The following MYO10 variants were observed in gnomAD, a reference collection of about 807,000 sequenced individuals.
MYO10 encodes unconventional myosin-X.
A neutral mutation model predicts 257.3 loss-of-function variants in MYO10; 133 were observed. The ratio of observed to expected loss-of-function variants is 0.52; its 90% CI spans 0.45 to 0.60. MYO10 has a LOEUF of 0.60. Among genes scored for constraint, MYO10 ranks in the 20% least tolerant of loss-of-function variants. MYO10 has a pLI of 0.00. For synonymous variants in MYO10, 1,104 were observed against 1,028.6 expected (o/e 1.07, Z -1.40); for missense variants, 2,399 against 2,635.7 (o/e 0.91, Z 1.97).
chr5:16,706,639 G>A (rs530517353), intron 21 of MYO10, among the ~76,000 whole-genome samples: 2 of 152,160 alleles, frequency 1.3e-5, no homozygotes, highest in East Asian at 3.9e-4. Flanking sequence ...GTGAACAAGT[G>A]GAAACCTTTG....
chr5:16,864,262 G>A (rs1744183279), intron 2 of MYO10, among the ~76,000 whole-genome samples: 1 of 149,892 alleles, frequency 6.7e-6, no homozygotes, highest in Non-Finnish European at 1.5e-5. Flanking sequence ...TGACTTATTT[G>A]GCTTCATGCT....
At chr5:16,811,022 T>C (rs1484407376) in intron 3 of MYO10, among the ~76,000 whole-genome samples, 2 of 144,308 alleles carry the variant, frequency 1.4e-5, no homozygotes, top group African/African-American at 2.6e-5. Context: ...TGAGCCGACA[T>C]GGCACCACTG....
In MYO10 at chr5:16,936,152, T is replaced by G; in HGVS notation, c.-344A>C. ...GCTGGCGAGCGCGGCCCCCTCCCTCTGCGCTCCGGCCGGGGGCCCTCGGGG... is the reference window on the plus strand; with the variant it reads ...GCTGGCGAGCGCGGCCCCCTCCCTCGGCGCTCCGGCCGGGGGCCCTCGGGG... On this transcript the variant is annotated 5_prime_UTR_variant, in exon 1 of 41. Transcript: ENST00000513610. 1 of 324,872 alleles carries G rather than the reference T, an allele frequency of 3.1e-6. No individual in the cohort carries two copies. The highest frequency in any genetic ancestry group is 5.1e-5 in the Admixed American group (1 of 19,568). 20.1% of individuals were successfully genotyped at this position (324,872 alleles called of 1,614,324 possible).
chr5:16,766,804 C>A (rs939943915), intron 10 of MYO10, among the ~76,000 whole-genome samples: 2 of 133,894 alleles, frequency 1.5e-5, no homozygotes, highest in African/African-American at 5.6e-5. Context: ...GAGTCTCACT[C>A]TGTAGCCCAG....
intron 3 of MYO10, among the ~76,000 whole-genome samples, chr5:16,802,014 A>G (rs2126688364): frequency 6.6e-6 from 1 of 152,332 alleles, no homozygotes; most frequent in African/African-American, 2.4e-5. Flanking sequence ...TGCTAAGTGA[A>G]TTATGACAGT....
intron 19 of MYO10, among the ~76,000 whole-genome samples, chr5:16,750,032 C>T (rs1379171366): frequency 1.3e-5 from 2 of 152,104 alleles, no homozygotes; most frequent in African/African-American, 4.8e-5. Flanking sequence ...TGGGTACCAC[C>T]GCCACCGCCC....
intron 4 of MYO10, among the ~76,000 whole-genome samples, chr5:16,791,866 G>T (rs905998474): frequency 6.6e-6 from 1 of 152,130 alleles, no homozygotes; most frequent in Non-Finnish European, 1.5e-5. Flanking sequence ...AGTGGTTCTA[G>T]TCACAGATTA....
intron 2 of MYO10, among the ~76,000 whole-genome samples, chr5:16,874,840 C>T (rs1159547734): frequency 6.6e-6 from 1 of 152,142 alleles, no homozygotes; most frequent in African/African-American, 2.4e-5. Flanking sequence ...ATGCCTGGTA[C>T]CAATTTACTG....
At chr5:16,829,137 T>A (rs1211461750) in intron 2 of MYO10, among the ~76,000 whole-genome samples, 1 of 151,902 alleles carries the variant, frequency 6.6e-6, no homozygotes, top group Non-Finnish European at 1.5e-5. Flanking sequence ...GTGGGACAGG[T>A]AATGGCCAGG....
At chr5:16,822,496 G>A (rs1328120905) in intron 2 of MYO10, among the ~76,000 whole-genome samples, 1 of 152,054 alleles carries the variant, frequency 6.6e-6, no homozygotes, top group East Asian at 1.9e-4. Context: ...GGTCAGGGTG[G>A]ACTAAGGAGT....
intron 19 of MYO10, among the ~76,000 whole-genome samples, chr5:16,731,839 G>A (rs1445873052): frequency 1.3e-5 from 2 of 152,346 alleles, no homozygotes; most frequent in East Asian, 1.9e-4. Context: ...GTGTTGTCAC[G>A]TGCTGTGTTC....
intron 2 of MYO10, among the ~76,000 whole-genome samples, chr5:16,845,399 G>A (rs1430361399): frequency 1.3e-5 from 2 of 152,138 alleles, no homozygotes; most frequent in Non-Finnish European, 2.9e-5. Context: ...GGTGCAGTGG[G>A]CTCTCACCTG....
chr5:16,770,431 T>C (rs896644801), intron 9 of MYO10, among the ~76,000 whole-genome samples: 24 of 152,240 alleles, frequency 1.6e-4, no homozygotes, highest in African/African-American at 5.3e-4. Flanking sequence ...AAACAGGCAC[T>C]TACAGGAATC....
Position 16,758,331 on chromosome 5 carries a change from T to G in MYO10, c.1740-105A>C, listed in dbSNP as rs1579956778. 6.2e-6 allele frequency: 5 copies of G among 808,142 alleles called. No homozygotes were observed. The East Asian group carries it at 1.3e-4, about 21-fold the overall frequency. 50.1% of individuals were successfully genotyped at this position (808,142 alleles called of 1,614,324 possible). A position where few individuals can be genotyped will look rare whatever the true frequency, so the allele number is the denominator to read the frequency against. On this transcript the variant is annotated intron_variant, in intron 17 of 40. Coordinates refer to ENST00000513610, the MANE Select transcript of MYO10 (RefSeq NM_012334.3). ...CTTTCTCAATGATAATTCAAAGTAA[T>G]ACACCCTAGGCCTGGAAGAACTAAG...
At position 16,877,726 on chromosome 5, in the gene MYO10, A is replaced by C; in HGVS notation, c.22-19T>G. 6.3e-7 allele frequency: 1 copy of C among 1,592,174 alleles called. No homozygotes were observed. The highest frequency in any genetic ancestry group is 1.1e-5 in the South Asian group (1 of 89,900). On this transcript the variant is annotated intron_variant, in intron 1 of 40. Coordinates refer to ENST00000513610, the MANE Select transcript of MYO10 (RefSeq NM_012334.3). ...GTGTTCCCTGTAAACAAAACAAACA[A>C]GACTGAACTGAGTTTGGATTGCATT... is the stretch of plus-strand genomic sequence containing the variant.
In MYO10 at chr5:16,795,310, G is replaced by A. The variant is rs1050422137; in HGVS notation, c.280-477C>T. Among the ~76,000 whole-genome samples the A allele has an allele frequency of 9.2e-5, 14 of 152,314 alleles. No individual in the cohort carries two copies. In the East Asian group the frequency reaches 2.5e-3, roughly 27 times the overall value. On this transcript the variant is annotated intron_variant, in intron 3 of 40. Transcript: ENST00000513610. ...AGTTTCTATTTAGGGTGATGGGGAA[G>A]TTCTGGAAGTGGGCCGGGCCTGGTG...
At chr5:16,750,322 C>T (rs745995414) in intron 19 of MYO10, among the ~76,000 whole-genome samples, 16 of 152,022 alleles carry the variant, frequency 1.1e-4, no homozygotes, top group Non-Finnish European at 1.8e-4. Flanking sequence ...TTGTGACAGC[C>T]GAATTGACAT....
intron 19 of MYO10, among the ~76,000 whole-genome samples, chr5:16,724,926 G>C (rs1304364660): frequency 1.3e-5 from 2 of 152,094 alleles, no homozygotes; most frequent in Non-Finnish European, 2.9e-5. Flanking sequence ...ATGCATGTGT[G>C]TGTATATGCA....
chr5:16,802,655 TAAAAAAAAA>T lies in MYO10; in HGVS notation c.280-7831_280-7823del, dbSNP rs372258804. Among the ~76,000 whole-genome samples the T allele has an allele frequency of 2.3e-3, 235 of 101,010 alleles. 3 individuals are homozygous for T. Among genetic ancestry groups the T allele is most frequent in the African/African-American group, 9.3e-3 (219 of 23,658 alleles). The allele number at this position is 101,010 out of a possible 152,430, so 66.3% of individuals were successfully genotyped here. On this transcript the variant is annotated intron_variant, in intron 3 of 40. Transcript: ENST00000513610. ...CTGGGGGACAGAGCGAGACTGTCTC[TAAAAAAAAA>T]AAAAAAAAAGAAAGAAAGAAAAATT...
Sources: allele counts gnomAD v4.1 joint callset (sites outside exome capture counted in the v4.1 genomes callset), GRCh38; gene constraint gnomAD v4.1.1; transcripts MANE v1.5; gene names NCBI Gene and HGNC (gene_info 2026-07-23, HGNC 2026-07-21).